Variants in ZNF253 observed in about 807,000 individuals in gnomAD.
ZNF253 encodes zinc finger protein 253.
ZNF253 carries 8 observed loss-of-function variants against 11.9 expected under a neutral mutation model. The ratio of observed to expected loss-of-function variants is 0.67; its 90% CI spans 0.40 to 1.22. The LOEUF is 1.22. Ranked by LOEUF, ZNF253 falls within the 50% of genes most tolerant of loss-of-function variation. The pLI is 0.01. For synonymous variants in ZNF253, 194 were observed against 194.9 expected, an observed-to-expected ratio of 1.00 and a Z score of 0.04; for missense variants, 485 against 586.9, an observed-to-expected ratio of 0.83 and a Z score of 1.79.
chr19:19,865,910 C>T lies in ZNF253; in HGVS notation c.-87C>T, dbSNP rs968961386. Reference sequence around the variant, plus strand: ...TATCCTCAGTGTTCTGTGTCCTGTGCTTATAGAGGCCCGTCCTCTGTGGCC... The same window carrying T: ...TATCCTCAGTGTTCTGTGTCCTGTGTTTATAGAGGCCCGTCCTCTGTGGCC... On this transcript the variant is annotated 5_prime_UTR_variant, in exon 1 of 4. Transcript: ENST00000589717. The T allele has an allele frequency of 2.0e-5, 30 of 1,535,462 alleles. No homozygotes were observed. The highest frequency in any genetic ancestry group is 2.7e-5 in the Non-Finnish European group (30 of 1,108,468).
At chr19:19,879,462 A>G (rs1319783585) in intron 2 of ZNF253, among the ~76,000 whole-genome samples, 1 of 152,174 alleles carries the variant, frequency 6.6e-6, no homozygotes, top group African/African-American at 2.4e-5. Context: ...GTACATGTTA[A>G]TGTAGGCTAG....
At chr19:19,865,874 A>T (rs776512371), upstream of ZNF253, 135 of 1,248,950 alleles carry the variant, frequency 1.1e-4, no homozygotes, top group Admixed American at 2.7e-4. Context: ...CTGCAGCGGG[A>T]GCTCCAGGTT....
chr19:19,875,172 G>T (rs1027144555), intron 1 of ZNF253, among the ~76,000 whole-genome samples: 3 of 152,066 alleles, frequency 2.0e-5, no homozygotes, highest in African/African-American at 7.2e-5. Flanking sequence ...TCTAGAGCTG[G>T]TGCTTAGAAT....
chr19:19,880,347 C>A (rs1038293454), intron 3 of ZNF253, among the ~76,000 whole-genome samples: 1 of 142,102 alleles, frequency 7.0e-6, no homozygotes, highest in Non-Finnish European at 1.5e-5. Context: ...AAGAATTCTA[C>A]TTCTCCTTTG....
chr19:19,885,222 T>TCTTC (rs1568498496), intron 3 of ZNF253, among the ~76,000 whole-genome samples: 3 of 44,492 alleles, frequency 6.7e-5, no homozygotes, highest in Non-Finnish European at 1.1e-4. Context: ...TTGTATTCTT[T>TCTTC]CTTTCTTTCT....
Position 19,892,058 on chromosome 19 carries a change from C to G in ZNF253, c.811C>G (p.Leu271Val). 6.2e-7 allele frequency: 1 copy of G among 1,613,710 alleles called. No homozygotes were observed. Among genetic ancestry groups the G allele is most frequent in the Non-Finnish European group, 8.5e-7 (1 of 1,179,964 alleles). The change falls in exon 4 of 4, where the codon CTT becomes GTT. Residue 271 changes from leucine to valine, a missense_variant. Transcript: ENST00000589717. ...CAAAGCCTTCAACCGATCCACAGAC[C>G]TTACTACACATAAGATAGTTCATAC... ...CGKAFNRSTDLTTHKIVHTGE... is the reference protein window; with the variant it reads ...CGKAFNRSTDVTTHKIVHTGE...
rs896181143 is a variant in ZNF253, at chr19:19,880,123, A to T, written c.203A>T (p.His68Leu). 1.2e-6 allele frequency: 2 copies of T among 1,609,068 alleles called. No individual in the cohort carries two copies. Among genetic ancestry groups the T allele is most frequent in the Non-Finnish European group, 1.7e-6 (2 of 1,177,682 alleles). Residue 68 changes from histidine (H) to leucine (L), a missense_variant, in exon 3 of 4, where the codon CAT (histidine) becomes CTT (leucine). Physicochemically the swap from His to Leu is moderately conservative, Grantham distance 99. Transcript: ENST00000589717. ...AAAAAACCTTTAACTATGGAAAGAC[A>T]TGAGATGATTGCCAAACCCCCAGGT... Reference protein sequence around the residue: ...QGKKPLTMERHEMIAKPPVMS... With the variant: ...QGKKPLTMERLEMIAKPPVMS...
intron 3 of ZNF253, among the ~76,000 whole-genome samples, chr19:19,883,347 C>T (rs2063185702): frequency 6.6e-6 from 1 of 151,986 alleles, no homozygotes; most frequent in South Asian, 2.1e-4. Context: ...GGTTGTGGCT[C>T]TCATCTGTAA....
chr19:19,869,835 A>G (rs777404248), intron 1 of ZNF253, among the ~76,000 whole-genome samples: 1 of 150,606 alleles, frequency 6.6e-6, no homozygotes, highest in Non-Finnish European at 1.5e-5. Context: ...ATGTCCGGCT[A>G]CTTTTTTGTA....
chr19:19,882,970 C>CA (rs35838089), intron 3 of ZNF253, among the ~76,000 whole-genome samples: 15,026 of 96,636 alleles, frequency 0.16, 1,854 homozygotes, highest in African/African-American at 0.39. Context: ...GACTCCGTCT[C>CA]AAAAAAAAAA....
At chr19:19,880,866 T>A (rs750453799) in intron 3 of ZNF253, among the ~76,000 whole-genome samples, 19 of 152,218 alleles carry the variant, frequency 1.2e-4, no homozygotes, top group Non-Finnish European at 2.4e-4. Flanking sequence ...TTAGTTTATC[T>A]TGCATTTTTT....
At chr19:19,889,865 C>T (rs2063221439) in intron 3 of ZNF253, among the ~76,000 whole-genome samples, 1 of 152,202 alleles carries the variant, frequency 6.6e-6, no homozygotes, top group Non-Finnish European at 1.5e-5. Context: ...GTCTCAAACT[C>T]CTGACCTCAT....
At chr19:19,890,832 A>ATTTTTT (rs770757608) in intron 3 of ZNF253, among the ~76,000 whole-genome samples, 16 of 76,850 alleles carry the variant, frequency 2.1e-4, no homozygotes, top group Middle Eastern at 0.017. Context: ...CAACAATTTA[A>ATTTTTT]TTTTTTTTTT....
intron 1 of ZNF253, 121 bp downstream of exon 1, chr19:19,866,120 T>C: frequency 7.3e-7 from 1 of 1,365,738 alleles, no homozygotes; most frequent in Non-Finnish European, 1.0e-6. Flanking sequence ...GAGTTCTCCC[T>C]GCCCAGCTCG....
intron 1 of ZNF253, among the ~76,000 whole-genome samples, chr19:19,871,755 G>A (rs1047121571): frequency 6.6e-6 from 1 of 152,160 alleles, no homozygotes; most frequent in Non-Finnish European, 1.5e-5. Flanking sequence ...GCAGATTGAC[G>A]ATGATGCATA....
chr19:19,870,333 A>G (rs1328747071), intron 1 of ZNF253, among the ~76,000 whole-genome samples: 1 of 151,012 alleles, frequency 6.6e-6, no homozygotes, highest in Non-Finnish European at 1.5e-5. Context: ...CAGAAGTTGC[A>G]GTGAGCTGAG....
rs778402638 is a variant in ZNF253 at position 19,892,185 on chromosome 19, A to G, written c.938A>G (p.Asn313Ser). The change falls in exon 4 of 4, where the codon AAC becomes AGC. Residue 313 changes from asparagine (N) to serine (S), a missense_variant. Coordinates refer to ENST00000589717, the MANE Select transcript of ZNF253 (RefSeq NM_021047.3). ...ATTCATACTAGAGGGAAACCCTACA[A>G]CTGTGAAGAATGTGGCAAATCCTTT... ...KKIHTRGKPYNCEECGKSFKH... is the reference protein window; with the variant it reads ...KKIHTRGKPYSCEECGKSFKH... 1.9e-6 allele frequency: 3 copies of G among 1,613,074 alleles called. No homozygotes were observed. Among genetic ancestry groups the G allele is most frequent in the African/African-American group, 2.7e-5 (2 of 74,688 alleles).
intron 1 of ZNF253, among the ~76,000 whole-genome samples, chr19:19,876,290 T>C (rs1344747321): frequency 6.6e-6 from 1 of 152,174 alleles, no homozygotes; most frequent in Non-Finnish European, 1.5e-5. Flanking sequence ...TCAAGTGATT[T>C]ATAAGCTCAT....
In ZNF253 at chr19:19,892,079, C is replaced by T. The variant is rs1000182983; in HGVS notation, c.832C>T (p.His278Tyr). Residue 278 changes from histidine to tyrosine, a missense_variant, in exon 4 of 4, where the codon CAT becomes TAT. Transcript: ENST00000589717. ...STDLTTHKIV[H>Y]TGEKPYKCEE... ...AGACCTTACTACACATAAGATAGTT[C>T]ATACTGGAGAGAAACCCTACAAATG... The T allele has an allele frequency of 5.0e-6, 8 of 1,613,968 alleles. No individual in the cohort carries two copies. The highest frequency in any genetic ancestry group is 6.8e-6 in the Non-Finnish European group (8 of 1,180,036).
Sources: allele counts gnomAD v4.1 joint callset (sites outside exome capture counted in the v4.1 genomes callset), GRCh38; gene constraint gnomAD v4.1.1; transcripts MANE v1.5; gene names NCBI Gene and HGNC (gene_info 2026-07-23, HGNC 2026-07-21).